The following PREX2 variants were observed in gnomAD, a reference collection of about 807,000 sequenced individuals.
The protein encoded by PREX2 is phosphatidylinositol-3,4,5-trisphosphate dependent Rac exchange factor 2, also known as phosphatidylinositol 3,4,5-trisphosphate-dependent Rac exchanger 2 protein.
Under a neutral mutation model 203.2 loss-of-function variants are expected in PREX2, and 107 were observed. The observed-to-expected ratio is 0.53, with a 90% CI of 0.45 to 0.62. The LOEUF is 0.62. Among genes scored for constraint, PREX2 ranks in the 20% least tolerant of loss-of-function variants. The pLI is 0.00. For synonymous variants in PREX2, 672 were observed against 663.6 expected, an observed-to-expected ratio of 1.01 and a Z score of -0.19; for missense variants, 1,777 against 1,955.9, an observed-to-expected ratio of 0.91 and a Z score of 1.72.
chr8:68,089,817 A>G (rs2129612198), intron 19 of PREX2, among the ~76,000 whole-genome samples: 1 of 152,336 alleles, frequency 6.6e-6, no homozygotes, highest in African/African-American at 2.4e-5. Context: ...CATTTGTATT[A>G]ATTATTTGCA....
intron 1 of PREX2, chr8:67,952,796 G>A (rs1805391860): frequency 5.3e-6 from 3 of 570,588 alleles, no homozygotes; most frequent in Non-Finnish European, 9.4e-6. Flanking sequence ...AGAGAAGAGA[G>A]CTCCAGTCCA....
intron 6 of PREX2, among the ~76,000 whole-genome samples, chr8:68,035,841 G>C (rs774533051): frequency 4.6e-5 from 7 of 152,116 alleles, no homozygotes; most frequent in Admixed American, 2.6e-4. Context: ...CTCAGTGACA[G>C]AAGCATTTCA....
At chr8:67,979,525 A>G (rs956350785) in intron 1 of PREX2, among the ~76,000 whole-genome samples, 1 of 152,224 alleles carries the variant, frequency 6.6e-6, no homozygotes, top group African/African-American at 2.4e-5. Flanking sequence ...CCAAAACGCC[A>G]GACTCTTTTT....
intron 23 of PREX2, among the ~76,000 whole-genome samples, chr8:68,103,196 C>T (rs1262862042): frequency 1.3e-5 from 2 of 152,110 alleles, no homozygotes; most frequent in Non-Finnish European, 2.9e-5. Flanking sequence ...ATGTAATTCT[C>T]ACACTGATAT....
At chr8:68,091,521 G>T (rs1312974173) in intron 20 of PREX2, among the ~76,000 whole-genome samples, 6 of 152,216 alleles carry the variant, frequency 3.9e-5, no homozygotes, top group Non-Finnish European at 5.9e-5. Flanking sequence ...AAACCTGGAA[G>T]ATGAATGGCC....
intron 37 of PREX2, among the ~76,000 whole-genome samples, chr8:68,215,826 C>T (rs908416345): frequency 3.9e-5 from 6 of 152,148 alleles, no homozygotes; most frequent in African/African-American, 9.7e-5. Context: ...CGTGAGCCAC[C>T]GTGCCCGGCT....
chr8:68,052,945 T>A (rs1461845892), intron 8 of PREX2, 152 bp from the exon 9 acceptor site: 2 of 639,390 alleles, frequency 3.1e-6, no homozygotes, highest in Admixed American at 3.2e-5. Flanking sequence ...TTAAAGTTTT[T>A]AAATGTTTAT....
intron 35 of PREX2, among the ~76,000 whole-genome samples, chr8:68,165,969 A>G (rs1811753602): frequency 6.6e-6 from 1 of 152,226 alleles, no homozygotes; most frequent in African/African-American, 2.4e-5. Context: ...GTTTTAAAGC[A>G]TGCTGTGTAA....
intron 28 of PREX2, 41 bp from the exon 29 acceptor site, chr8:68,120,155 C>A: frequency 7.8e-7 from 1 of 1,282,926 alleles, no homozygotes; most frequent in Non-Finnish European, 1.1e-6. Flanking sequence ...GTATCATGTA[C>A]TATGAGAAAT....
In PREX2 at chr8:68,030,712, T is replaced by C; in HGVS notation, c.705+54T>C. 2 of 1,552,616 alleles carry C rather than the reference T, an allele frequency of 1.3e-6. 1 individual carries two copies. The highest frequency in any genetic ancestry group is 1.8e-6 in the Non-Finnish European group (2 of 1,126,478). ...TTAAGATAGTTTTATGTTGCAGGCC[T>C]CGTGCAGAATTACTGGCGTTGGATG... On this transcript the variant is annotated intron_variant, in intron 6 of 39. Coordinates refer to ENST00000288368, the MANE Select transcript of PREX2 (RefSeq NM_024870.4).
At chr8:67,965,729 G>T (rs1426013360) in intron 1 of PREX2, among the ~76,000 whole-genome samples, 1 of 152,154 alleles carries the variant, frequency 6.6e-6, no homozygotes, top group African/African-American at 2.4e-5. Flanking sequence ...AGAGGAGGGA[G>T]AGTAAACGGC....
rs920694587 is a variant in PREX2 at position 68,012,608 on chromosome 8, A to G, written c.142-5238A>G. The stretch of plus-strand genomic sequence containing the variant: ...ATTTGTAGAGTGATCAATGCCCACG[A>G]GGCTGAGTCTTAGATACTACTGGAC... On this transcript the variant is annotated intron_variant, in intron 1 of 39. Transcript: ENST00000288368. Among the ~76,000 whole-genome samples the G allele has an allele frequency of 3.3e-5, 5 of 152,222 alleles. No homozygotes were observed. In the South Asian group the frequency reaches 1.0e-3, roughly 31 times the overall value.
chr8:68,226,634 A>G (rs1310817072), intron 39 of PREX2, among the ~76,000 whole-genome samples: 1 of 152,224 alleles, frequency 6.6e-6, no homozygotes, highest in Non-Finnish European at 1.5e-5. Context: ...AAATTTACTC[A>G]GAGCAATATA....
chr8:67,960,817 T>C (rs1294805083), intron 1 of PREX2, among the ~76,000 whole-genome samples: 1 of 152,012 alleles, frequency 6.6e-6, no homozygotes, highest in African/African-American at 2.4e-5. Flanking sequence ...CTTTCAGGAA[T>C]AGAAAAGGGA....
chr8:68,002,989 G>C (rs563161600), intron 1 of PREX2, among the ~76,000 whole-genome samples: 1 of 152,138 alleles, frequency 6.6e-6, no homozygotes, highest in Non-Finnish European at 1.5e-5. Flanking sequence ...TGGAGGATTG[G>C]TGCTTACTAT....
chr8:67,988,279 G>A (rs1806495266), intron 1 of PREX2, among the ~76,000 whole-genome samples: 2 of 152,216 alleles, frequency 1.3e-5, no homozygotes, highest in African/African-American at 2.4e-5. Flanking sequence ...GAGTGTGACT[G>A]CACACCACGG....
In PREX2 at chr8:68,080,472, C is replaced by G. The variant is rs199541834; in HGVS notation, c.1672C>G (p.Pro558Ala). The G allele has an allele frequency of 1.5e-4, 248 of 1,609,230 alleles. No homozygotes were observed. Among genetic ancestry groups the G allele is most frequent in the Middle Eastern group, 1.7e-4 (1 of 6,028 alleles). ...TGAAAAAAGCGAATTCAAAGATGAACCCCTACTTTTCCGTTTTTTTTCGGA... is the reference window on the plus strand; with the variant it reads ...TGAAAAAAGCGAATTCAAAGATGAAGCCCTACTTTTCCGTTTTTTTTCGGA... ...VLEKSEFKDE[P>A]LLFRFFSDEE... Residue 558 changes from proline to alanine, a missense_variant, in exon 16 of 40, where the codon CCC (proline) becomes GCC (alanine). Pro to Ala is a conservative substitution (Grantham distance 27). Transcript: ENST00000288368.
intron 35 of PREX2, among the ~76,000 whole-genome samples, chr8:68,173,972 G>T (rs1277711550): frequency 6.6e-6 from 1 of 152,152 alleles, no homozygotes; most frequent in Non-Finnish European, 1.5e-5. Flanking sequence ...AATTGTCAGT[G>T]CTTATGGAAG....
At chr8:68,143,934 G>A (rs1409148799) in intron 33 of PREX2, among the ~76,000 whole-genome samples, 1 of 152,066 alleles carries the variant, frequency 6.6e-6, no homozygotes, top group African/African-American at 2.4e-5. Context: ...AGAAACATTT[G>A]TTGAAAAGAC....
Sources: allele counts gnomAD v4.1 joint callset (sites outside exome capture counted in the v4.1 genomes callset), GRCh38; gene constraint gnomAD v4.1.1; transcripts MANE v1.5; gene names NCBI Gene and HGNC (gene_info 2026-07-23, HGNC 2026-07-21).